DYNC2H1: variants seen among roughly 807,000 people sequenced by gnomAD.
DYNC2H1 encodes dynein cytoplasmic 2 heavy chain 1, also known as cytoplasmic dynein 2 heavy chain 1.
A neutral mutation model predicts 570.0 loss-of-function variants in DYNC2H1; 410 were observed. The ratio of observed to expected loss-of-function variants is 0.72; its 90% CI spans 0.66 to 0.78. The LOEUF (loss-of-function observed/expected upper bound fraction) is 0.78, where lower values mean the gene tolerates loss of function less well. Ranked by LOEUF, DYNC2H1 falls within the 30% of genes least tolerant of loss-of-function variation. The probability of loss-of-function intolerance (pLI) is 0.00; values close to 1 mark genes in which losing one functional copy is unlikely to be tolerated. For missense variants in DYNC2H1, 4,865 were observed against 5,046.4 expected (o/e 0.96, Z 1.09); for synonymous variants, 1,688 against 1,677.6 (o/e 1.01, Z -0.15).
chr11:103,178,415 T>C (rs1179798099), intron 38 of DYNC2H1, among the ~76,000 whole-genome samples: 2 of 152,116 alleles, frequency 1.3e-5, no homozygotes, highest in Non-Finnish European at 2.9e-5. Flanking sequence ...TTTTTCTATA[T>C]AATACCACAT....
rs1406850239 is a variant in DYNC2H1 at position 103,183,377 on chromosome 11, T to TGACTGTA, written c.6477+1494_6477+1500dup. Among the ~76,000 whole-genome samples the TGACTGTA allele has an allele frequency of 2.0e-5, 3 of 151,874 alleles. No individual in the cohort carries two copies. The East Asian group carries it at 5.8e-4, about 29-fold the overall frequency. ...ATATTTATGTATATATAGGGGTTTA[T>TGACTGTA]GACTGTAGAAATGACGACAGGATAA... On this transcript the variant is annotated intron_variant, in intron 40 of 88. Coordinates refer to ENST00000375735, the MANE Select transcript of DYNC2H1 (RefSeq NM_001377.3).
chr11:103,222,892 G>T, intron 58 of DYNC2H1, 73 bp from the exon 59 acceptor site: 1 of 1,581,424 alleles, frequency 6.3e-7, no homozygotes. Context: ...CCCAAATAAA[G>T]TGTGTTAGAA....
In DYNC2H1 at chr11:103,262,697, G is replaced by A. The variant is rs1022230932; in HGVS notation, c.10695+2720G>A. Among the ~76,000 whole-genome samples, 62 of 152,216 alleles carry A rather than the reference G, an allele frequency of 4.1e-4. 1 individual carries two copies. The highest frequency in any genetic ancestry group is 1.4e-3 in the African/African-American group (59 of 41,526). ...GGCCTGCCTTACAAGAGCTCCTGAA[G>A]GAAGCACCAAATATGGAAAGGAAAA... On this transcript the variant is annotated intron_variant, in intron 70 of 88. Transcript: ENST00000375735.
chr11:103,390,293 T>C (rs192384995), intron 83 of DYNC2H1, among the ~76,000 whole-genome samples: 2,148 of 151,204 alleles, frequency 0.014, 21 homozygotes, highest in Non-Finnish European at 0.023. Context: ...GCTTAAAGTC[T>C]GTTTTATCAG....
At chr11:103,470,917 T>G (rs972511696) in intron 88 of DYNC2H1, among the ~76,000 whole-genome samples, 14 of 152,280 alleles carry the variant, frequency 9.2e-5, no homozygotes, top group African/African-American at 2.6e-4. Context: ...TTATAATCCT[T>G]TGGGTATATA....
At chr11:103,158,275 G>A (rs974431137) in intron 26 of DYNC2H1, among the ~76,000 whole-genome samples, 5 of 151,998 alleles carry the variant, frequency 3.3e-5, no homozygotes, top group East Asian at 1.9e-4. Flanking sequence ...GTGAAACCCC[G>A]TCTCTACTAA....
intron 84 of DYNC2H1, among the ~76,000 whole-genome samples, chr11:103,417,744 CA>C (rs932931362): frequency 6.6e-6 from 1 of 151,944 alleles, no homozygotes; most frequent in African/African-American, 2.4e-5. Context: ...GGCATGATGG[CA>C]CGTGCCTGTA....
In DYNC2H1 at chr11:103,184,876, T is replaced by C; in HGVS notation, c.6478-20T>C. 1 of 1,608,994 alleles carries C rather than the reference T, an allele frequency of 6.2e-7. No individual in the cohort carries two copies. The highest frequency in any genetic ancestry group is 8.5e-7 in the Non-Finnish European group (1 of 1,176,622). ...AATAGTTGCCTTTTGTCTGTTTGTA[T>C]CACGGATTTTAATCAACAGAATGAC... On this transcript the variant is annotated intron_variant, in intron 40 of 88. Coordinates refer to ENST00000375735, the MANE Select transcript of DYNC2H1 (RefSeq NM_001377.3).
chr11:103,303,103 G>C lies in DYNC2H1; in HGVS notation c.11106G>C (p.Glu3702Asp). Residue 3702 changes from glutamate (E) to aspartate (D), a missense_variant, in exon 76 of 89, where the codon GAG becomes GAC. Transcript: ENST00000375735. The part of the protein sequence containing the change: ...LFACKTLGLK[E>D]VSPLPLNLKR... Reference sequence around the variant, plus strand: ...AAATATATATTTTAGGACTGAAAGAGGTGTCCCCACTGCCTCTAAATCTCA... The same window carrying C: ...AAATATATATTTTAGGACTGAAAGACGTGTCCCCACTGCCTCTAAATCTCA... 6.4e-7 allele frequency: 1 copy of C among 1,556,186 alleles called. No individual in the cohort carries two copies. Among genetic ancestry groups the C allele is most frequent in the Non-Finnish European group, 8.7e-7 (1 of 1,150,838 alleles).
In DYNC2H1 at chr11:103,252,057, T is replaced by C. The variant is rs1348163389; in HGVS notation, c.10043-1228T>C. Among the ~76,000 whole-genome samples, 3 of 152,118 alleles carry C rather than the reference T, an allele frequency of 2.0e-5. No individual in the cohort carries two copies. The highest frequency in any genetic ancestry group is 7.2e-5 in the African/African-American group (3 of 41,436). On this transcript the variant is annotated intron_variant, in intron 65 of 88. Transcript: ENST00000375735. The surrounding 1 kb of genome is among the most constrained non-coding windows in gnomAD (Gnocchi z 4.6). ...CTCTGGCCTCAGCCTCCTGAGTATG[T>C]TGGACTATAGGCACATACCATCATG...
chr11:103,171,092 A>T, intron 34 of DYNC2H1, 24 bp downstream of exon 34: 1 of 1,525,984 alleles, frequency 6.6e-7, no homozygotes, highest in East Asian at 2.3e-5. Flanking sequence ...TGGGAATTTA[A>T]AGAATTAAAA....
intron 83 of DYNC2H1, among the ~76,000 whole-genome samples, chr11:103,368,152 A>G (rs1363507665): frequency 6.6e-6 from 1 of 152,108 alleles, no homozygotes; most frequent in Non-Finnish European, 1.5e-5. Context: ...GGGTAGTTCT[A>G]TTTTTAGTTT....
intron 17 of DYNC2H1, among the ~76,000 whole-genome samples, chr11:103,140,289 G>A (rs1307278186): frequency 6.6e-6 from 1 of 152,134 alleles, no homozygotes; most frequent in African/African-American, 2.4e-5. Flanking sequence ...GTTAGTTGAT[G>A]CAGTTTCTTC....
intron 82 of DYNC2H1, among the ~76,000 whole-genome samples, chr11:103,353,525 G>A (rs536059212): frequency 6.6e-6 from 1 of 152,008 alleles, no homozygotes; most frequent in East Asian, 1.9e-4. Context: ...GTATTAGGTT[G>A]GTGCAAAAGT....
chr11:103,138,974 C>T (rs1196081394), intron 17 of DYNC2H1, among the ~76,000 whole-genome samples: 1 of 151,722 alleles, frequency 6.6e-6, no homozygotes, highest in Non-Finnish European at 1.5e-5. Flanking sequence ...TTATCCATTT[C>T]TTCTAGATTT....
chr11:103,339,057 TA>T (rs903157055), intron 82 of DYNC2H1, among the ~76,000 whole-genome samples: 2 of 152,158 alleles, frequency 1.3e-5, no homozygotes. Flanking sequence ...CTAACCCAGG[TA>T]TGCTGTGACC....
At chr11:103,435,891 T>A in intron 84 of DYNC2H1, 52 bp from the exon 85 acceptor site, 1 of 1,567,598 alleles carries the variant, frequency 6.4e-7, no homozygotes, top group Admixed American at 1.8e-5. Flanking sequence ...AGTAGTCTTC[T>A]ATATGTAGTA....
chr11:103,109,738 G>A lies in DYNC2H1; in HGVS notation c.164G>A (p.Arg55Gln). 4 of 1,613,740 alleles carry A rather than the reference G, an allele frequency of 2.5e-6. No individual in the cohort carries two copies. Among genetic ancestry groups the A allele is most frequent in the Non-Finnish European group, 3.4e-6 (4 of 1,179,806 alleles). ...AACCAGATGCTCCTCAGGGTGCAGCGATCCGACGCAGGAATCTCCTTTTCC... is the reference window on the plus strand; with the variant it reads ...AACCAGATGCTCCTCAGGGTGCAGCAATCCGACGCAGGAATCTCCTTTTCC... ...DGNQMLLRVQ[R>Q]SDAGISFSNT... The change falls in exon 1 of 89, where the codon CGA (arginine) becomes CAA (glutamine). Residue 55 changes from arginine to glutamine, a missense_variant. This residue lies in a region of DYNC2H1 where 1,936 missense variants were observed against 1,962.1 expected (regional missense o/e 0.99). Transcript: ENST00000375735.
intron 78 of DYNC2H1, among the ~76,000 whole-genome samples, chr11:103,308,882 GATACTAATTGCTTAGTATC>G (rs1867429052): frequency 6.6e-6 from 1 of 151,636 alleles, no homozygotes; most frequent in African/African-American, 2.4e-5. Context: ...ATATATTCTG[GATACTAATTGCTTAGTATC>G]TTATCAGATG....
Sources: allele counts gnomAD v4.1 joint callset (sites outside exome capture counted in the v4.1 genomes callset), GRCh38; gene constraint gnomAD v4.1.1; regional missense constraint gnomAD v4.1.1; non-coding constraint Gnocchi (gnomAD v3.1); transcripts MANE v1.5; gene names NCBI Gene and HGNC (gene_info 2026-07-23, HGNC 2026-07-21).